The following AP3S1 variants were observed in gnomAD, a reference collection of about 807,000 sequenced individuals.
The protein encoded by AP3S1 is adaptor related protein complex 3 subunit sigma 1.
AP3S1 carries 12 observed loss-of-function variants against 21.3 expected under a neutral mutation model. The observed-to-expected ratio is 0.56, with a 90% CI of 0.36 to 0.91. The LOEUF is 0.91. Among genes scored for constraint, AP3S1 ranks in the 40% least tolerant of loss-of-function variants. AP3S1 has a pLI of 0.01. For missense variants in AP3S1, 116 were observed against 225.0 expected (o/e 0.52, Z 3.10); for synonymous variants, 48 against 78.4 (o/e 0.61, Z 2.05).
At chr5:115,852,077 C>T (rs1199510931) in intron 1 of AP3S1, among the ~76,000 whole-genome samples, 4 of 152,060 alleles carry the variant, frequency 2.6e-5, no homozygotes, top group Non-Finnish European at 5.9e-5. Context: ...CTGCTTGTTA[C>T]TTTCTACTTC....
intron 1 of AP3S1, among the ~76,000 whole-genome samples, chr5:115,846,560 T>TC (rs1188837955): frequency 1.3e-5 from 2 of 151,968 alleles, no homozygotes; most frequent in South Asian, 2.1e-4. Context: ...TTCTCGTTTT[T>TC]TTTTTTTTTT....
rs76275813 is a variant in AP3S1 at position 115,904,354 on chromosome 5, A to G, written c.453+1362A>G. Among the ~76,000 whole-genome samples, 990 of 152,342 alleles carry G rather than the reference A, an allele frequency of 6.5e-3. 14 individuals carry two copies. Among genetic ancestry groups the G allele is most frequent in the African/African-American group, 0.022 (933 of 41,568 alleles). On this transcript the variant is annotated intron_variant, in intron 5 of 5. Coordinates refer to ENST00000316788, the MANE Select transcript of AP3S1 (RefSeq NM_001284.4). ...CATTTTAAAGGATCAGTTTAACTCA[A>G]TTCAATTCTGTGTCCATTTTAATTG...
In AP3S1 at chr5:115,874,104, G is replaced by A. The variant is rs114947860; in HGVS notation, c.273+3976G>A. ...CACCAGTACTGAATTTACATTGGTAGTCCACAGAATTTACACCAGCTACCC... is the reference window on the plus strand; with the variant it reads ...CACCAGTACTGAATTTACATTGGTAATCCACAGAATTTACACCAGCTACCC... On this transcript the variant is annotated intron_variant, in intron 3 of 5. Coordinates refer to ENST00000316788, the MANE Select transcript of AP3S1 (RefSeq NM_001284.4). Among the ~76,000 whole-genome samples, 1,348 of 152,130 alleles carry A rather than the reference G, an allele frequency of 8.9e-3. 21 individuals are homozygous for A. The highest frequency in any genetic ancestry group is 0.031 in the African/African-American group (1,305 of 41,534).
At position 115,880,155 on chromosome 5, in the gene AP3S1, T is replaced by C. The variant is rs544641496; in HGVS notation, c.273+10027T>C. On this transcript the variant is annotated intron_variant, in intron 3 of 5. Coordinates refer to ENST00000316788, the MANE Select transcript of AP3S1 (RefSeq NM_001284.4). Reference sequence around the variant, plus strand: ...TTGTTAGTCTTTTCAAAAAACCAGCTCCTGGAGTCATTGATTTTTTGAAGG... The same window carrying C: ...TTGTTAGTCTTTTCAAAAAACCAGCCCCTGGAGTCATTGATTTTTTGAAGG... 2.6e-5 allele frequency among the ~76,000 whole-genome samples: 4 copies of C among 152,314 alleles called. No individual in the cohort carries two copies. The East Asian group carries it at 7.7e-4, about 29-fold the overall frequency.
intron 1 of AP3S1, among the ~76,000 whole-genome samples, chr5:115,858,204 C>T (rs1466099841): frequency 6.6e-6 from 1 of 152,134 alleles, no homozygotes; most frequent in African/African-American, 2.4e-5. Flanking sequence ...TACCCTCCAG[C>T]AATTTCTTGA....
intron 1 of AP3S1, among the ~76,000 whole-genome samples, chr5:115,864,754 A>T (rs943486110): frequency 2.0e-5 from 3 of 152,274 alleles, no homozygotes; most frequent in African/African-American, 7.2e-5. Flanking sequence ...AGAGAAATCT[A>T]AGAGCGCATA....
At chr5:115,842,787 C>T (rs1328434526) in intron 1 of AP3S1, among the ~76,000 whole-genome samples, 2 of 152,180 alleles carry the variant, frequency 1.3e-5, no homozygotes, top group East Asian at 3.8e-4. Context: ...ATATTTTTAT[C>T]AGGCTTTTTA....
At chr5:115,854,966 TA>T (rs1286642509) in intron 1 of AP3S1, among the ~76,000 whole-genome samples, 2 of 152,042 alleles carry the variant, frequency 1.3e-5, no homozygotes, top group African/African-American at 2.4e-5. Flanking sequence ...ATTATAAAGT[TA>T]TTTTCTATAT....
At chr5:115,877,448 A>G (rs1167738132) in intron 3 of AP3S1, among the ~76,000 whole-genome samples, 2 of 152,106 alleles carry the variant, frequency 1.3e-5, no homozygotes, top group Non-Finnish European at 1.5e-5. Flanking sequence ...GAGAACATGC[A>G]GTGTTTGGTT....
intron 1 of AP3S1, among the ~76,000 whole-genome samples, chr5:115,859,240 T>C (rs1435290904): frequency 6.6e-6 from 1 of 152,248 alleles, no homozygotes; most frequent in East Asian, 1.9e-4. Flanking sequence ...CAAATCGTCA[T>C]GACTTAACGT....
intron 1 of AP3S1, among the ~76,000 whole-genome samples, chr5:115,862,786 T>G (rs986745036): frequency 8.5e-5 from 13 of 152,202 alleles, no homozygotes; most frequent in African/African-American, 2.9e-4. Context: ...TCATAAACCT[T>G]GAATAACACT....
At chr5:115,910,631 T>C (rs1327472594) in intron 5 of AP3S1, among the ~76,000 whole-genome samples, 3 of 152,196 alleles carry the variant, frequency 2.0e-5, no homozygotes, top group Non-Finnish European at 4.4e-5. Context: ...GGCATCACTT[T>C]CATGAATGTC....
chr5:115,847,550 T>G (rs1762150194), intron 1 of AP3S1, among the ~76,000 whole-genome samples: 1 of 152,170 alleles, frequency 6.6e-6, no homozygotes, highest in African/African-American at 2.4e-5. Flanking sequence ...GCTCCGGAGA[T>G]CAAGGCTGCA....
At chr5:115,860,251 C>T (rs908753982) in intron 1 of AP3S1, among the ~76,000 whole-genome samples, 3 of 152,194 alleles carry the variant, frequency 2.0e-5, no homozygotes, top group Admixed American at 6.5e-5. Context: ...AAGTGCCATG[C>T]GATGCAATTA....
intron 1 of AP3S1, among the ~76,000 whole-genome samples, chr5:115,848,470 AGCAC>A (rs1470315436): frequency 6.6e-6 from 1 of 152,250 alleles, no homozygotes; most frequent in Non-Finnish European, 1.5e-5. Context: ...ATATGGTAAT[AGCAC>A]ATTAATAATT....
At chr5:115,899,064 A>C (rs3797566) in intron 4 of AP3S1, among the ~76,000 whole-genome samples, 1 of 151,924 alleles carries the variant, frequency 6.6e-6, no homozygotes, top group Admixed American at 6.5e-5. Flanking sequence ...AATATACTCT[A>C]TTCTCCTCTC....
At chr5:115,880,784 A>G (rs939056829) in intron 3 of AP3S1, among the ~76,000 whole-genome samples, 4 of 152,122 alleles carry the variant, frequency 2.6e-5, no homozygotes, top group Non-Finnish European at 5.9e-5. Flanking sequence ...GGATCTGTCT[A>G]ATATTGACAA....
chr5:115,856,981 C>T (rs1428751108), intron 1 of AP3S1, among the ~76,000 whole-genome samples: 3 of 152,288 alleles, frequency 2.0e-5, no homozygotes, highest in East Asian at 3.9e-4. Context: ...TTTATTCCCA[C>T]CACCAGCCGC....
At position 115,911,473 on chromosome 5, in the gene AP3S1, C is replaced by T. The variant is rs150777376; in HGVS notation, c.454-1889C>T. Among the ~76,000 whole-genome samples the T allele has an allele frequency of 5.1e-3, 774 of 151,992 alleles. 3 individuals are homozygous for T. The highest frequency in any genetic ancestry group is 0.01 in the Middle Eastern group (3 of 294). ...ATTATTTGTCTTCTTTATGGAAATT[C>T]CTAAGTAAAAATAGTGGCAAATTGG... On this transcript the variant is annotated intron_variant, in intron 5 of 5. Coordinates refer to ENST00000316788, the MANE Select transcript of AP3S1 (RefSeq NM_001284.4).
Sources: allele counts gnomAD v4.1 joint callset (sites outside exome capture counted in the v4.1 genomes callset), GRCh38; gene constraint gnomAD v4.1.1; transcripts MANE v1.5; gene names NCBI Gene and HGNC (gene_info 2026-07-23, HGNC 2026-07-21).